The following PPFIA4 variants were observed in gnomAD, a reference collection of about 807,000 sequenced individuals.
The protein encoded by PPFIA4 is PPFI scaffold protein A4.
PPFIA4 carries 98 observed loss-of-function variants against 145.7 expected under a neutral mutation model. The observed-to-expected ratio is 0.67, with a 90% CI of 0.57 to 0.80. PPFIA4 has a LOEUF of 0.80. Ranked by LOEUF, PPFIA4 falls within the 30% of genes least tolerant of loss-of-function variation. The pLI, the probability that PPFIA4 is intolerant of heterozygous loss-of-function variation, is 0.00. For missense variants in PPFIA4, 1,457 were observed against 1,632.7 expected (o/e 0.89, Z 1.85); for synonymous variants, 628 against 649.6 (o/e 0.97, Z 0.51).
At chr1:203,032,388 G>A (rs924662122) in intron 1 of PPFIA4, among the ~76,000 whole-genome samples, 8 of 151,464 alleles carry the variant, frequency 5.3e-5, no homozygotes, top group Non-Finnish European at 5.9e-5. Flanking sequence ...AACTATTTGC[G>A]GATGGGGGCC....
In PPFIA4 at chr1:203,048,610, GACC is replaced by G; in HGVS notation, c.1255_1257del (p.His419del). On this transcript the variant is annotated inframe_deletion, in exon 11 of 30. Coordinates refer to ENST00000295706, the MANE Select transcript of PPFIA4 (RefSeq NM_001304331.2). The surrounding 1 kb of genome is among the most constrained non-coding windows in gnomAD (Gnocchi z 5.8). ...GCGCCAGCGGGAAAAGATGAATGAGGACCACAACAAGCGGCTGTCGGACACAGT... is the reference window on the plus strand; with the variant it reads ...GCGCCAGCGGGAAAAGATGAATGAGGACAACAAGCGGCTGTCGGACACAGT... 1 of 1,595,690 alleles carries G rather than the reference GACC, an allele frequency of 6.3e-7. No individual in the cohort carries two copies. The highest frequency in any genetic ancestry group is 1.1e-5 in the South Asian group (1 of 88,070).
rs1280428504 is a variant in PPFIA4, at chr1:203,060,412, A to G, written c.2779A>G (p.Arg927Gly). ...LTSPSAPPTSRTSSGNVWVTH... is the reference protein window; with the variant it reads ...LTSPSAPPTSGTSSGNVWVTH... ...CAGCCCCTCTGCCCCACCCACCTCC[A>G]GGACTGTGAGTGGCCCCTCCTTTGC... is the stretch of plus-strand genomic sequence containing the variant. Residue 927 changes from arginine (R) to glycine (G), a missense_variant, in exon 22 of 30, where the codon AGG becomes GGG. This residue lies in a region of PPFIA4 where 848 missense variants were observed against 1,046.7 expected (regional missense o/e 0.81). Coordinates refer to ENST00000295706, the MANE Select transcript of PPFIA4 (RefSeq NM_001304331.2). This position sits in a 1 kb window ranked among gnomAD's most constrained non-coding sequence, Gnocchi z 4.8. 1.9e-6 allele frequency: 3 copies of G among 1,612,814 alleles called. No individual in the cohort carries two copies. Among genetic ancestry groups the G allele is most frequent in the Non-Finnish European group, 2.5e-6 (3 of 1,179,854 alleles).
chr1:203,044,696 G>A lies in PPFIA4; in HGVS notation c.577G>A (p.Val193Met), dbSNP rs1296621304. ...EEQLAGAHQQ[V>M]SALQQGAGVR... ...TTGCCCTGGGGCTTGTGCCCTACAG[G>A]TGTCTGCCCTGCAGCAGGGGGCAGG... The change falls in exon 6 of 30, where the codon GTG becomes ATG. Residue 193 changes from valine to methionine, a missense_variant and splice_region_variant. Around this residue, in one of 3 missense-constraint regions of PPFIA4, gnomAD observed 463 missense variants for 459.8 expected, o/e 1.01. Coordinates refer to ENST00000295706, the MANE Select transcript of PPFIA4 (RefSeq NM_001304331.2). 18 of 1,553,230 alleles carry A rather than the reference G, an allele frequency of 1.2e-5. No individual in the cohort carries two copies. The highest frequency in any genetic ancestry group is 1.5e-5 in the Non-Finnish European group (17 of 1,148,604).
intron 1 of PPFIA4, among the ~76,000 whole-genome samples, chr1:203,033,141 GT>G (rs1571655329): frequency 1.3e-5 from 2 of 152,296 alleles, no homozygotes; most frequent in East Asian, 3.9e-4. Flanking sequence ...TTTCATGTCT[GT>G]TACCTCTTTG....
At position 203,045,276 on chromosome 1, in the gene PPFIA4, G is replaced by C. The variant is rs1390950391; in HGVS notation, c.667-92G>C. ...GGGGCAGAGCCTTGACCTGCTCTGGGTGTGCTGTTCCTCCTTCCACCCCTG... is the reference window on the plus strand; with the variant it reads ...GGGGCAGAGCCTTGACCTGCTCTGGCTGTGCTGTTCCTCCTTCCACCCCTG... On this transcript the variant is annotated intron_variant, in intron 6 of 29. Transcript: ENST00000295706. 5 of 1,148,212 alleles carry C rather than the reference G, an allele frequency of 4.4e-6. No individual in the cohort carries two copies. In the African/African-American group the frequency reaches 7.8e-5, roughly 18 times the overall value. The allele number at this position is 1,148,212 out of a possible 1,614,324, so 71.1% of individuals were successfully genotyped here.
intron 29 of PPFIA4, chr1:203,076,110 T>G: frequency 1.7e-6 from 1 of 601,048 alleles, no homozygotes. Context: ...GCGGGCACCT[T>G]GCTGCTGGCC....
In PPFIA4 at chr1:203,060,438, C is replaced by A. The variant is rs375220291; in HGVS notation, c.2784+21C>A. 6.2e-6 allele frequency: 10 copies of A among 1,609,560 alleles called. No individual in the cohort carries two copies. The highest frequency in any genetic ancestry group is 8.5e-6 in the Non-Finnish European group (10 of 1,179,120). The stretch of plus-strand genomic sequence containing the variant: ...GGACTGTGAGTGGCCCCTCCTTTGC[C>A]CAGGACATTTTCAGAGGTCCTGGAA... On this transcript the variant is annotated intron_variant, in intron 22 of 29. Transcript: ENST00000295706. This position sits in a 1 kb window ranked among gnomAD's most constrained non-coding sequence, Gnocchi z 4.8.
intron 28 of PPFIA4, among the ~76,000 whole-genome samples, chr1:203,074,348 G>A (rs958108074): frequency 6.6e-6 from 1 of 152,050 alleles, no homozygotes; most frequent in Non-Finnish European, 1.5e-5. Context: ...AATACTGTTG[G>A]CATTTGTCAG....
chr1:203,028,901 C>T (rs1249757884), intron 1 of PPFIA4, among the ~76,000 whole-genome samples: 3 of 152,120 alleles, frequency 2.0e-5, no homozygotes, highest in Admixed American at 1.3e-4. Flanking sequence ...GGAGGGCATA[C>T]GGTGCTGGCT....
Position 203,075,713 on chromosome 1 carries a change from C to T in PPFIA4, c.3530C>T (p.Thr1177Ile). ...PAGFRVSTLG[T>I]LQPPPAPPKK... ...GGCTTCCGTGTGTCCACCCTGGGGA[C>T]CCTGCAGCCCCCACCGGCCCCGCCA... Residue 1177 changes from threonine to isoleucine, a missense_variant, in exon 29 of 30, where the codon ACC becomes ATC. Physicochemically the swap from Thr to Ile is moderately conservative, Grantham distance 89. This residue lies in a region of PPFIA4 where 146 missense variants were observed against 126.2 expected (regional missense o/e 1.16). Coordinates refer to ENST00000295706, the MANE Select transcript of PPFIA4 (RefSeq NM_001304331.2). The surrounding 1 kb of genome is among the most constrained non-coding windows in gnomAD (Gnocchi z 4.1). 7.1e-7 allele frequency: 1 copy of T among 1,408,972 alleles called. No individual in the cohort carries two copies. Among genetic ancestry groups the T allele is most frequent in the Non-Finnish European group, 9.3e-7 (1 of 1,075,448 alleles). The allele number at this position is 1,408,972 out of a possible 1,614,324, so 87.3% of individuals were successfully genotyped here.
chr1:203,054,670 AGAC>A lies in PPFIA4; in HGVS notation c.1829+710_1829+712del, dbSNP rs1660778694. Among the ~76,000 whole-genome samples the A allele has an allele frequency of 2.8e-5, 3 of 108,438 alleles. No homozygotes were observed. In the South Asian group the frequency reaches 9.4e-4, roughly 34 times the overall value. The allele number at this position is 108,438 out of a possible 152,430, so 71.1% of individuals were successfully genotyped here. A position where few individuals can be genotyped will look rare whatever the true frequency, so the allele number is the denominator to read the frequency against. On this transcript the variant is annotated intron_variant, in intron 15 of 29. Transcript: ENST00000295706. ...GTATTGCACAGACCAGTTACAAAGA[AGAC>A]ACACACACACACACACACACACACA...
chr1:203,074,866 C>T (rs545455063), intron 28 of PPFIA4, among the ~76,000 whole-genome samples: 1 of 152,116 alleles, frequency 6.6e-6, no homozygotes, highest in South Asian at 2.1e-4. Context: ...GGGCAGGTGG[C>T]AGGGGGCTGC....
chr1:203,066,028 C>T (rs903238200), intron 25 of PPFIA4, among the ~76,000 whole-genome samples: 2 of 152,198 alleles, frequency 1.3e-5, no homozygotes, highest in African/African-American at 4.8e-5. Context: ...TTTATTGTCA[C>T]CTGCAAGAGA....
rs528046095 is a variant in PPFIA4 at position 203,039,122 on chromosome 1, G to A, written c.114G>A (p.Glu38=). 6.2e-7 allele frequency: 1 copy of A among 1,607,968 alleles called. No individual in the cohort carries two copies. The highest frequency in any genetic ancestry group is 1.1e-5 in the South Asian group (1 of 90,210). The part of the protein sequence containing the change: ...QLMVNMLDER[E]KLLESLRESQ... ...TGGTGAACATGCTGGACGAGCGGGA[G>A]AAGTTGCTGGAGTCTCTTCGGGAGA... The change falls in exon 2 of 30, where the codon GAG becomes GAA. Residue 38 remains glutamate, a synonymous_variant. Coordinates refer to ENST00000295706, the MANE Select transcript of PPFIA4 (RefSeq NM_001304331.2).
At chr1:203,034,350 T>C in intron 1 of PPFIA4, 1 of 426,954 alleles carries the variant, frequency 2.3e-6, no homozygotes. Context: ...GGAGAGGAGG[T>C]AGGGCTGGAT....
chr1:203,076,476 G>T lies in PPFIA4; in HGVS notation c.*86G>T. On this transcript the variant is annotated 3_prime_UTR_variant, in exon 30 of 30. Coordinates refer to ENST00000295706, the MANE Select transcript of PPFIA4 (RefSeq NM_001304331.2). ...CCTCTTGCTCGTTCCCCTTCCTTCC[G>T]CAGCTCCTAGTCTCGTCCGTGACTT... 7 of 1,320,082 alleles carry T rather than the reference G, an allele frequency of 5.3e-6. No homozygotes were observed. Among genetic ancestry groups the T allele is most frequent in the Non-Finnish European group, 5.4e-6 (5 of 926,034 alleles). The allele number at this position is 1,320,082 out of a possible 1,614,324, so 81.8% of individuals were successfully genotyped here.
chr1:203,062,507 G>C (rs1159579438), intron 24 of PPFIA4, among the ~76,000 whole-genome samples: 3 of 101,056 alleles, frequency 3.0e-5, no homozygotes, highest in African/African-American at 1.1e-4. Context: ...AAAAAAAAAA[G>C]ATAGTCTCAA....
chr1:203,032,151 A>G (rs191731253), intron 1 of PPFIA4, among the ~76,000 whole-genome samples: 7 of 152,022 alleles, frequency 4.6e-5, no homozygotes, highest in Admixed American at 3.9e-4. Flanking sequence ...CTTTTATACA[A>G]TTGAAACCTT....
chr1:203,032,430 T>TTTTTTTTTTTTTTTTTTGTTG (rs57892403), intron 1 of PPFIA4, among the ~76,000 whole-genome samples: 39 of 139,370 alleles, frequency 2.8e-4, no homozygotes, highest in Admixed American at 6.6e-4. Context: ...TCCCCGCTTT[T>TTTTTTTTTTTTTTTTTTGTTG]TTGTTGTTGT....
Sources: allele counts gnomAD v4.1 joint callset (sites outside exome capture counted in the v4.1 genomes callset), GRCh38; gene constraint gnomAD v4.1.1; regional missense constraint gnomAD v4.1.1; non-coding constraint Gnocchi (gnomAD v3.1); transcripts MANE v1.5; gene names NCBI Gene and HGNC (gene_info 2026-07-23, HGNC 2026-07-21).